CCDC50: variants seen among roughly 807,000 people sequenced by gnomAD.
The protein encoded by CCDC50 is coiled-coil domain-containing protein 50.
A neutral mutation model predicts 70.2 loss-of-function variants in CCDC50; 54 were observed. The ratio of observed to expected loss-of-function variants is 0.77; its 90% CI spans 0.62 to 0.96. The LOEUF (loss-of-function observed/expected upper bound fraction) is 0.96. Among genes scored for constraint, CCDC50 ranks in the 50% least tolerant of loss-of-function variants. The pLI, the probability that CCDC50 is intolerant of heterozygous loss-of-function variation, is 0.00. For synonymous variants in CCDC50, 216 were observed against 198.8 expected (o/e 1.09, Z -0.73); for missense variants, 558 against 578.7 (o/e 0.96, Z 0.37).
chr3:191,375,585 C>G lies in CCDC50; in HGVS notation c.972C>G (p.Asp324Glu), dbSNP rs752997734. Residue 324 changes from aspartate to glutamate, a missense_variant, in exon 6 of 12, where the codon GAC (aspartate) becomes GAG (glutamate). Asp to Glu is a conservative substitution (Grantham distance 45). Coordinates refer to ENST00000392455, the MANE Select transcript of CCDC50 (RefSeq NM_178335.3). ...SESEEQLHLH[D>E]AGMKPRVMKE... ...GTGAGGAGCAGCTCCACCTCCATGA[C>G]GCAGGTAATAGAGGACAGTCTCGAT... 2 of 1,612,666 alleles carry G rather than the reference C, an allele frequency of 1.2e-6. No individual in the cohort carries two copies. Among genetic ancestry groups the G allele is most frequent in the Middle Eastern group, 1.7e-4 (1 of 6,010 alleles).
chr3:191,330,828 C>G (rs1177279953), intron 1 of CCDC50, among the ~76,000 whole-genome samples: 3 of 152,174 alleles, frequency 2.0e-5, no homozygotes, highest in Non-Finnish European at 4.4e-5. Flanking sequence ...CTCAGAGTTT[C>G]AAGCACTAGG....
chr3:191,340,310 A>G (rs953655344), intron 1 of CCDC50, among the ~76,000 whole-genome samples: 1 of 152,238 alleles, frequency 6.6e-6, no homozygotes, highest in Non-Finnish European at 1.5e-5. Context: ...CTTATATACT[A>G]TCATAAAGTC....
Position 191,374,435 on chromosome 3 carries a change from C to T in CCDC50, c.449-627C>T, listed in dbSNP as rs144934726. 6.6e-5 allele frequency among the ~76,000 whole-genome samples: 10 copies of T among 152,088 alleles called. No individual in the cohort carries two copies. The East Asian group carries it at 1.9e-3, about 29-fold the overall frequency. On this transcript the variant is annotated intron_variant, in intron 5 of 11. Transcript: ENST00000392455. ...TATCTACAGATAACAGGGTCATGAA[C>T]TCAAAATTCTCATCTACTTGATCCT...
chr3:191,337,176 A>G (rs1244621658), intron 1 of CCDC50, among the ~76,000 whole-genome samples: 1 of 152,168 alleles, frequency 6.6e-6, no homozygotes, highest in Non-Finnish European at 1.5e-5. Context: ...CAGAAAAAAA[A>G]AAAAGATTTG....
In CCDC50 at chr3:191,375,042, A is replaced by G; in HGVS notation, c.449-20A>G. ...ATTAATCTGCATTTTTATTTTTCAC[A>G]TCCCTCTGCCTCCACTCAGACCAAC... On this transcript the variant is annotated intron_variant, in intron 5 of 11. Coordinates refer to ENST00000392455, the MANE Select transcript of CCDC50 (RefSeq NM_178335.3). The G allele has an allele frequency of 6.2e-7, 1 of 1,612,330 alleles. No individual in the cohort carries two copies. The highest frequency in any genetic ancestry group is 1.3e-5 in the African/African-American group (1 of 74,972).
At chr3:191,390,695 G>C (rs293837) in intron 11 of CCDC50, among the ~76,000 whole-genome samples, 64,182 of 152,006 alleles carry the variant, frequency 0.42, 15,244 homozygotes, top group Non-Finnish European at 0.53. Context: ...CCAGAGTTCA[G>C]ATTTGTCACC....
Position 191,350,574 on chromosome 3 carries a change from C to CT in CCDC50, c.50-6506dup, listed in dbSNP as rs1224617093. Among the ~76,000 whole-genome samples the CT allele has an allele frequency of 1.7e-4, 24 of 140,902 alleles. 5 individuals carry two copies. The highest frequency in any genetic ancestry group is 2.2e-4 in the Non-Finnish European group (14 of 62,512). 92.4% of individuals were successfully genotyped at this position (140,902 alleles called of 152,430 possible). A position where few individuals can be genotyped will look rare whatever the true frequency, so the allele number is the denominator to read the frequency against. On this transcript the variant is annotated intron_variant, in intron 1 of 11. Coordinates refer to ENST00000392455, the MANE Select transcript of CCDC50 (RefSeq NM_178335.3). ...TAAAAGAACAACGGAAAGGAAATGG[C>CT]TTTTTTTTCACTTCCTTTTTAGTTT...
At chr3:191,370,885 T>C (rs937229603) in intron 5 of CCDC50, among the ~76,000 whole-genome samples, 22 of 152,188 alleles carry the variant, frequency 1.4e-4, no homozygotes, top group African/African-American at 4.8e-4. Context: ...TTTTAAACTT[T>C]AGCGACTTGG....
intron 7 of CCDC50, 120 bp from the exon 8 acceptor site, chr3:191,380,567 C>G (rs1713281954): frequency 1.0e-6 from 1 of 974,538 alleles, no homozygotes; most frequent in Non-Finnish European, 1.6e-6. Context: ...AACTGATTAT[C>G]AACCTCAGGA....
At position 191,375,280 on chromosome 3, in the gene CCDC50, C is replaced by T; in HGVS notation, c.667C>T (p.His223Tyr). Residue 223 changes from histidine to tyrosine, a missense_variant, in exon 6 of 12, where the codon CAT becomes TAT. Transcript: ENST00000392455. ...RDNPHINNEQ[H>Y]ERKRSTQERP... The stretch of plus-strand genomic sequence containing the variant: ...CAATCCCCATATTAACAATGAGCAG[C>T]ATGAAAGGAAACGGTCCACTCAGGA... 1 of 1,613,662 alleles carries T rather than the reference C, an allele frequency of 6.2e-7. No homozygotes were observed. The highest frequency in any genetic ancestry group is 8.5e-7 in the Non-Finnish European group (1 of 1,179,762).
At chr3:191,342,155 C>G (rs527847817) in intron 1 of CCDC50, among the ~76,000 whole-genome samples, 2 of 152,224 alleles carry the variant, frequency 1.3e-5, no homozygotes, top group Admixed American at 1.3e-4. Flanking sequence ...GTTTTCTGTT[C>G]CTAACTTTTG....
At chr3:191,340,543 C>G (rs758146374) in intron 1 of CCDC50, among the ~76,000 whole-genome samples, 3 of 152,170 alleles carry the variant, frequency 2.0e-5, no homozygotes, top group Non-Finnish European at 4.4e-5. Flanking sequence ...CCTTCATACC[C>G]TTCTTGATGG....
At chr3:191,340,973 C>T (rs1711706981) in intron 1 of CCDC50, among the ~76,000 whole-genome samples, 1 of 151,524 alleles carries the variant, frequency 6.6e-6, no homozygotes, top group African/African-American at 2.4e-5. Context: ...GTAGCTAGGA[C>T]TACAGGCCCA....
At chr3:191,330,296 AACACACAC>A (rs3048670) in intron 1 of CCDC50, 7,755 of 137,104 alleles carry the variant, frequency 0.057, 377 homozygotes, top group East Asian at 0.31. Context: ...TTACAAACAA[AACACACAC>A]ACACACACAC....
intron 2 of CCDC50, 71 bp downstream of exon 2, chr3:191,357,221 G>A: frequency 8.1e-7 from 1 of 1,236,388 alleles, no homozygotes; most frequent in Non-Finnish European, 1.2e-6. Context: ...TGGTTTCTTA[G>A]GGCTTAGGTG....
intron 9 of CCDC50, among the ~76,000 whole-genome samples, chr3:191,381,524 G>T (rs1165685599): frequency 6.6e-6 from 1 of 152,240 alleles, no homozygotes; most frequent in East Asian, 1.9e-4. Flanking sequence ...TTTTGCTGCG[G>T]TAATTGTGAG....
chr3:191,371,037 A>G (rs1338126687), intron 5 of CCDC50, among the ~76,000 whole-genome samples: 1 of 152,214 alleles, frequency 6.6e-6, no homozygotes, highest in Non-Finnish European at 1.5e-5. Flanking sequence ...ACCATGCATC[A>G]GTTACTGGGT....
intron 1 of CCDC50, among the ~76,000 whole-genome samples, chr3:191,346,858 T>C (rs16866496): frequency 0.27 from 40,386 of 152,134 alleles, 6,248 homozygotes; most frequent in East Asian, 0.7. Context: ...AAAACCCTTT[T>C]TGATAGTGTA....
At chr3:191,359,718 T>A (rs1712416617) in intron 3 of CCDC50, among the ~76,000 whole-genome samples, 1 of 152,116 alleles carries the variant, frequency 6.6e-6, no homozygotes, top group South Asian at 2.1e-4. Context: ...TTTGAGATGT[T>A]ATGAGGCTCA....
Sources: allele counts gnomAD v4.1 joint callset (sites outside exome capture counted in the v4.1 genomes callset), GRCh38; gene constraint gnomAD v4.1.1; transcripts MANE v1.5; gene names NCBI Gene and HGNC (gene_info 2026-07-23, HGNC 2026-07-21).